PLXDC2: variants seen among roughly 807,000 people sequenced by gnomAD.
PLXDC2 encodes plexin domain-containing protein 2.
Under a neutral mutation model 68.9 loss-of-function variants are expected in PLXDC2, and 40 were observed. The ratio of observed to expected loss-of-function variants is 0.58; its 90% CI spans 0.45 to 0.76. PLXDC2 has a LOEUF of 0.76. Among genes scored for constraint, PLXDC2 ranks in the 30% least tolerant of loss-of-function variants. The pLI, the probability that PLXDC2 is intolerant of heterozygous loss-of-function variation, is 0.00. For missense variants in PLXDC2, 644 were observed against 661.9 expected, an observed-to-expected ratio of 0.97 and a Z score of 0.30; for synonymous variants, 243 against 234.2, an observed-to-expected ratio of 1.04 and a Z score of -0.34.
At chr10:20,163,212 GTTGT>G (rs1162145934) in intron 6 of PLXDC2, among the ~76,000 whole-genome samples, 16 of 152,154 alleles carry the variant, frequency 1.1e-4, no homozygotes, top group African/African-American at 3.9e-4. Flanking sequence ...ACACTTTAAC[GTTGT>G]TTAAGAGAGA....
intron 4 of PLXDC2, among the ~76,000 whole-genome samples, chr10:20,076,241 G>A (rs1216959570): frequency 1.3e-5 from 2 of 152,188 alleles, no homozygotes; most frequent in African/African-American, 4.8e-5. Context: ...GAGTTCAAAA[G>A]AGTTCCCTCA....
At chr10:19,981,544 C>G (rs763436355) in intron 1 of PLXDC2, among the ~76,000 whole-genome samples, 3 of 152,112 alleles carry the variant, frequency 2.0e-5, no homozygotes, top group Non-Finnish European at 4.4e-5. Context: ...ATCTCTGGGA[C>G]TCACCCAGAC....
Position 20,114,026 on chromosome 10 carries a change from A to T in PLXDC2, c.542-29269A>T, listed in dbSNP as rs1833591534. Among the ~76,000 whole-genome samples, 3 of 152,194 alleles carry T rather than the reference A, an allele frequency of 2.0e-5. No homozygotes were observed. In the South Asian group the frequency reaches 6.2e-4, roughly 32 times the overall value. On this transcript the variant is annotated intron_variant, in intron 4 of 13. Transcript: ENST00000377252. Reference sequence around the variant, plus strand: ...GTAATCTCAGCTACTCAGGAGGCTGAGGCAGGGGGATTGCTAGAACCTGGG... The same window carrying T: ...GTAATCTCAGCTACTCAGGAGGCTGTGGCAGGGGGATTGCTAGAACCTGGG...
chr10:20,034,211 C>T (rs962728732), intron 2 of PLXDC2, among the ~76,000 whole-genome samples: 1 of 152,132 alleles, frequency 6.6e-6, no homozygotes, highest in East Asian at 1.9e-4. Flanking sequence ...AATGCAATCC[C>T]AGAATTTCAA....
At chr10:19,996,389 C>T (rs922487113) in intron 1 of PLXDC2, among the ~76,000 whole-genome samples, 1 of 152,084 alleles carries the variant, frequency 6.6e-6, no homozygotes, top group African/African-American at 2.4e-5. Context: ...TGAGGCCAGC[C>T]TGGGCTACAA....
At chr10:20,063,698 A>C (rs1278688736) in intron 3 of PLXDC2, among the ~76,000 whole-genome samples, 1 of 152,190 alleles carries the variant, frequency 6.6e-6, no homozygotes, top group Non-Finnish European at 1.5e-5. Context: ...TCAGAAATCT[A>C]GGAGTATGAC....
intron 1 of PLXDC2, among the ~76,000 whole-genome samples, chr10:19,822,434 T>A (rs1836486649): frequency 6.6e-6 from 1 of 152,062 alleles, no homozygotes; most frequent in Non-Finnish European, 1.5e-5. Flanking sequence ...TCAATTAACA[T>A]GGGAGTGAAG....
chr10:19,817,507 A>G lies in PLXDC2; in HGVS notation c.112+316A>G, dbSNP rs375333298. On this transcript the variant is annotated intron_variant, in intron 1 of 13. Coordinates refer to ENST00000377252, the MANE Select transcript of PLXDC2 (RefSeq NM_032812.9). ...AGCTTCTTCCGTGGATACATCTCCT[A>G]GGACCTGGCATCTCCAGGCTGTGTG... 4.7e-4 allele frequency among the ~76,000 whole-genome samples: 72 copies of G among 152,244 alleles called. 1 individual carries two copies. In the South Asian group the frequency reaches 0.012, roughly 26 times the overall value.
chr10:19,846,499 A>G (rs930865193), intron 1 of PLXDC2, among the ~76,000 whole-genome samples: 1 of 152,150 alleles, frequency 6.6e-6, no homozygotes, highest in Non-Finnish European at 1.5e-5. Context: ...ATCTTTTTTC[A>G]TATATCATAC....
intron 4 of PLXDC2, among the ~76,000 whole-genome samples, chr10:20,092,050 G>C (rs1250425930): frequency 2.0e-5 from 3 of 152,104 alleles, no homozygotes; most frequent in African/African-American, 7.2e-5. Flanking sequence ...TTTACTAAGC[G>C]AAACTTCATT....
chr10:19,962,559 T>C (rs1834176272), intron 1 of PLXDC2, among the ~76,000 whole-genome samples: 1 of 149,114 alleles, frequency 6.7e-6, no homozygotes, highest in African/African-American at 2.4e-5. Context: ...CCCGGCTAAT[T>C]TTTTTGTATT....
chr10:20,150,072 A>G (rs1312623516), intron 6 of PLXDC2, among the ~76,000 whole-genome samples: 1 of 152,138 alleles, frequency 6.6e-6, no homozygotes, highest in African/African-American at 2.4e-5. Flanking sequence ...CATTTGTTGC[A>G]ATAGATGAAC....
chr10:19,886,072 C>T (rs1837840933), intron 1 of PLXDC2, among the ~76,000 whole-genome samples: 1 of 152,094 alleles, frequency 6.6e-6, no homozygotes. Context: ...TCCTTCACAT[C>T]CCTTGTAAGG....
At chr10:20,180,844 A>G (rs1378284799) in intron 9 of PLXDC2, among the ~76,000 whole-genome samples, 1 of 152,034 alleles carries the variant, frequency 6.6e-6, no homozygotes, top group Admixed American at 6.6e-5. Context: ...ATTTCTTTGA[A>G]CTAAGAGTGC....
chr10:20,055,711 G>A (rs77525603), intron 3 of PLXDC2, among the ~76,000 whole-genome samples: 1,660 of 152,098 alleles, frequency 0.011, 33 homozygotes, highest in African/African-American at 0.038. Flanking sequence ...ATAACAGATT[G>A]GGATAAGTTG....
At chr10:19,888,611 T>C (rs1837891131) in intron 1 of PLXDC2, among the ~76,000 whole-genome samples, 1 of 152,088 alleles carries the variant, frequency 6.6e-6, no homozygotes, top group African/African-American at 2.4e-5. Context: ...AGGCGAGGGA[T>C]ACATTTTAAG....
Position 19,867,685 on chromosome 10 carries a change from T to A in PLXDC2, c.112+50494T>A, listed in dbSNP as rs561334373. On this transcript the variant is annotated intron_variant, in intron 1 of 13. Transcript: ENST00000377252. ...AGGCTTCTAGAGGCCACTCACAAAC[T>A]GGGGCTCATGGCCTTCTTCCATATT... Among the ~76,000 whole-genome samples the A allele has an allele frequency of 2.0e-5, 3 of 152,212 alleles. No individual in the cohort carries two copies. The East Asian group carries it at 5.8e-4, about 29-fold the overall frequency.
intron 6 of PLXDC2, among the ~76,000 whole-genome samples, chr10:20,163,860 G>T (rs1221106310): frequency 6.6e-6 from 1 of 152,102 alleles, no homozygotes; most frequent in Non-Finnish European, 1.5e-5. Context: ...TCAAATACAA[G>T]AACTGTGACA....
chr10:19,882,543 C>G (rs542061330), intron 1 of PLXDC2, among the ~76,000 whole-genome samples: 1 of 152,292 alleles, frequency 6.6e-6, no homozygotes, highest in South Asian at 2.1e-4. Context: ...TCAGGTACTT[C>G]TTTTTCAGCC....
Sources: gnomAD v4.1 joint callset for allele counts (sites outside exome capture counted in the v4.1 genomes callset) on GRCh38, gnomAD v4.1.1 for gene constraint, MANE v1.5 for transcripts, NCBI Gene and HGNC (gene_info 2026-07-23, HGNC 2026-07-21) for gene names.